The following XPO5 variants were observed in gnomAD, a reference collection of about 807,000 sequenced individuals.
The protein encoded by XPO5 is exportin 5, also known as exportin-5.
Under a neutral mutation model 160.6 loss-of-function variants are expected in XPO5, and 46 were observed. The ratio of observed to expected loss-of-function variants is 0.29; its 90% CI spans 0.23 to 0.37. The LOEUF is 0.37. XPO5 is among the 10% of genes least tolerant of loss of function. The probability of loss-of-function intolerance (pLI) is 1.00; values close to 1 mark genes in which losing one functional copy is unlikely to be tolerated. For missense variants in XPO5, 1,090 were observed against 1,463.9 expected (o/e 0.74, Z 4.17); for synonymous variants, 537 against 519.3 (o/e 1.03, Z -0.46).
At position 43,545,727 on chromosome 6, in the gene XPO5, A is replaced by C. The variant is rs187028731; in HGVS notation, c.2342+844T>G. Among the ~76,000 whole-genome samples the C allele has an allele frequency of 9.7e-3, 1,481 of 152,178 alleles. 10 individuals carry two copies. Among genetic ancestry groups the C allele is most frequent in the South Asian group, 0.023 (112 of 4,822 alleles). ...TGTCTCAAAAAAACAAACAAACAAA[A>C]AAAAAACCAATCCTGTGAGATACAA... On this transcript the variant is annotated intron_variant, in intron 20 of 31. Transcript: ENST00000265351.
rs116063747 is a variant in XPO5, at chr6:43,532,084, T to G, written c.2444-509A>C. ...GGAACTGTTTGTCCATTCTAGTATT[T>G]CTGGTTGGCCACTTATTTCTATAGC... On this transcript the variant is annotated intron_variant, in intron 21 of 31. Coordinates refer to ENST00000265351, the MANE Select transcript of XPO5 (RefSeq NM_020750.3). 2.5e-3 allele frequency among the ~76,000 whole-genome samples: 386 copies of G among 152,330 alleles called. 3 individuals carry two copies. Among genetic ancestry groups the G allele is most frequent in the African/African-American group, 8.7e-3 (360 of 41,582 alleles).
intron 3 of XPO5, among the ~76,000 whole-genome samples, chr6:43,571,682 C>T (rs187438175): frequency 2.6e-5 from 4 of 152,204 alleles, no homozygotes; most frequent in Admixed American, 2.6e-4. Flanking sequence ...GTACCACATG[C>T]CTATAATCCC....
chr6:43,565,727 C>T lies in XPO5; in HGVS notation c.844G>A (p.Glu282Lys), dbSNP rs1223229996. The T allele has an allele frequency of 1.9e-6, 3 of 1,607,340 alleles. No individual in the cohort carries two copies. Among genetic ancestry groups the T allele is most frequent in the Non-Finnish European group, 2.5e-6 (3 of 1,176,946 alleles). The change falls in exon 8 of 32, where the codon GAA becomes AAA. Residue 282 changes from glutamate (E) to lysine (K), a missense_variant. Glu to Lys is a moderately conservative substitution (Grantham distance 56, BLOSUM62 1). Coordinates refer to ENST00000265351, the MANE Select transcript of XPO5 (RefSeq NM_020750.3). ...LIAVSRKGKL[E>K]DRKPLMVLFG... ...AAGACCATCAAGGGCTTCCGGTCTT[C>T]CAACTTGCCCTAGACCCAATTTTAG...
intron 20 of XPO5, among the ~76,000 whole-genome samples, chr6:43,535,285 C>T (rs975364143): frequency 6.6e-6 from 1 of 151,442 alleles, no homozygotes; most frequent in Non-Finnish European, 1.5e-5. Context: ...CAACAAAACC[C>T]CAAAAAACAG....
intron 21 of XPO5, 159 bp downstream of exon 21, chr6:43,533,748 C>T: frequency 2.4e-6 from 1 of 414,968 alleles, no homozygotes; most frequent in Non-Finnish European, 4.4e-6. Context: ...GGCAGGAAGA[C>T]TGCTTGAGTC....
rs376796788 is a variant in XPO5 at position 43,575,762 on chromosome 6, T to C, written c.103A>G (p.Lys35Glu). ...CAGGACGCCAGGACCCCAGCTACCT[T>C]GAGGGCTTCCAGCCGGTAGCGCTGG... ...STQRYRLEAL[K>E]FCEEFKEKCP... Residue 35 changes from lysine to glutamate, a missense_variant and splice_region_variant, in exon 1 of 32, where the codon AAG (lysine) becomes GAG (glutamate). Physicochemically the swap from Lys to Glu is moderately conservative, Grantham distance 56. Coordinates refer to ENST00000265351, the MANE Select transcript of XPO5 (RefSeq NM_020750.3). 3 of 1,612,702 alleles carry C rather than the reference T, an allele frequency of 1.9e-6. No homozygotes were observed. The highest frequency in any genetic ancestry group is 2.7e-5 in the African/African-American group (2 of 74,856).
chr6:43,556,251 C>T, intron 12 of XPO5: 1 of 319,740 alleles, frequency 3.1e-6, no homozygotes, highest in Non-Finnish European at 5.9e-6. Flanking sequence ...GGATTGGGCA[C>T]AGTAGCTCAC....
intron 6 of XPO5, among the ~76,000 whole-genome samples, chr6:43,568,072 G>T (rs946307372): frequency 6.6e-6 from 1 of 151,816 alleles, no homozygotes; most frequent in Non-Finnish European, 1.5e-5. Flanking sequence ...ACTTTGGGAA[G>T]CTGAGGAGGG....
rs6458340 is a variant in XPO5, at chr6:43,527,423, G to A, written c.2920+211C>T. ...AGTAGCTGGGACTACAGGCCTGCGCGCCACTACGCCCAGCTAATTTTTGTA... is the reference window on the plus strand; with the variant it reads ...AGTAGCTGGGACTACAGGCCTGCGCACCACTACGCCCAGCTAATTTTTGTA... On this transcript the variant is annotated intron_variant, in intron 26 of 31. Coordinates refer to ENST00000265351, the MANE Select transcript of XPO5 (RefSeq NM_020750.3). The A allele has an allele frequency of 0.015, 6,761 of 450,482 alleles. 416 individuals are homozygous for A. The highest frequency in any genetic ancestry group is 0.12 in the African/African-American group (6,164 of 49,666). 27.9% of individuals were successfully genotyped at this position (450,482 alleles called of 1,614,324 possible).
At chr6:43,569,966 C>A in intron 5 of XPO5, among the ~76,000 whole-genome samples, 1 of 141,564 alleles carries the variant, frequency 7.1e-6, no homozygotes, top group East Asian at 2.0e-4. Context: ...GCCTGTAATC[C>A]CAGGAGGTGG....
intron 20 of XPO5, among the ~76,000 whole-genome samples, chr6:43,534,776 T>C (rs1185629235): frequency 6.6e-6 from 1 of 152,186 alleles, no homozygotes; most frequent in South Asian, 2.1e-4. Flanking sequence ...GGCTGGCGAA[T>C]TACCTGAGGT....
chr6:43,544,765 G>A (rs1402270019), intron 20 of XPO5, among the ~76,000 whole-genome samples: 2 of 152,066 alleles, frequency 1.3e-5, no homozygotes, highest in South Asian at 2.1e-4. Context: ...AAAACATCAC[G>A]ATAGAAATAA....
intron 8 of XPO5, among the ~76,000 whole-genome samples, chr6:43,564,349 G>C (rs554789842): frequency 2.6e-5 from 4 of 152,276 alleles, no homozygotes; most frequent in African/African-American, 7.2e-5. Context: ...GACCAACAGG[G>C]AGAAACCCTG....
At position 43,551,315 on chromosome 6, in the gene XPO5, G is replaced by C. The variant is rs756050754; in HGVS notation, c.1711C>G (p.Pro571Ala). 6.8e-6 allele frequency: 11 copies of C among 1,612,892 alleles called. No individual in the cohort carries two copies. In the African/African-American group the frequency reaches 1.5e-4, roughly 22 times the overall value. ...CTTTATACCTTAGAGAAGACCTGGG[G>C]CAGGAACTCTGGTCTGTAGGTGACA... is the stretch of plus-strand genomic sequence containing the variant. ...PFVTYRPEFL[P>A]QVFSKLFSSV... Residue 571 changes from proline to alanine, a missense_variant, in exon 15 of 32, where the codon CCC becomes GCC. Coordinates refer to ENST00000265351, the MANE Select transcript of XPO5 (RefSeq NM_020750.3).
In XPO5 at chr6:43,524,546, T is replaced by C. The variant is rs1356048923; in HGVS notation, c.3402A>G (p.Leu1134=). 17 of 1,613,910 alleles carry C rather than the reference T, an allele frequency of 1.1e-5. No homozygotes were observed. The highest frequency in any genetic ancestry group is 1.4e-5 in the Non-Finnish European group (16 of 1,179,870). The part of the protein sequence containing the change: ...DSLDQFDCKL[L]NPSLQKVADK... Reference sequence around the variant, plus strand: ...CAGCCACTTTCTGCAGGGAGGGGTTTAAAAGCTTGCAGTCAAACTGGTCCA... The same window carrying C: ...CAGCCACTTTCTGCAGGGAGGGGTTCAAAAGCTTGCAGTCAAACTGGTCCA... Residue 1134 remains leucine (L), a synonymous_variant, in exon 31 of 32, where the codon TTA becomes TTG. Transcript: ENST00000265351.
chr6:43,531,348 AG>A (rs1793962992), intron 22 of XPO5, 130 bp downstream of exon 22: 2 of 802,478 alleles, frequency 2.5e-6, no homozygotes, highest in African/African-American at 1.7e-5. Flanking sequence ...ATTTAACACT[AG>A]AATGATAAGT....
At chr6:43,548,189 C>T (rs981524215) in intron 18 of XPO5, 72 bp downstream of exon 18, 2 of 1,453,766 alleles carry the variant, frequency 1.4e-6, no homozygotes, top group Non-Finnish European at 1.8e-6. Context: ...CCCTACCCCA[C>T]CCTGGGCCTA....
chr6:43,528,597 G>A (rs888256260), intron 24 of XPO5, among the ~76,000 whole-genome samples: 1 of 152,144 alleles, frequency 6.6e-6, no homozygotes, highest in Admixed American at 6.5e-5. Flanking sequence ...TTAACAGGAG[G>A]TTAGGAGCAG....
At chr6:43,541,079 T>G (rs1794666634) in intron 20 of XPO5, among the ~76,000 whole-genome samples, 4 of 151,976 alleles carry the variant, frequency 2.6e-5, no homozygotes, top group Admixed American at 2.6e-4. Context: ...ATACAGAGTG[T>G]AAGGATGGTT....
Sources: allele counts gnomAD v4.1 joint callset (sites outside exome capture counted in the v4.1 genomes callset), GRCh38; gene constraint gnomAD v4.1.1; transcripts MANE v1.5; gene names NCBI Gene and HGNC (gene_info 2026-07-23, HGNC 2026-07-21).